The following GOLGA4 variants were observed in gnomAD, a reference collection of about 807,000 sequenced individuals.
The protein encoded by GOLGA4 is golgin subfamily A member 4.
GOLGA4 carries 169 observed loss-of-function variants against 265.9 expected under a neutral mutation model. The observed-to-expected ratio is 0.64, with a 90% CI of 0.56 to 0.72. The LOEUF (loss-of-function observed/expected upper bound fraction) is 0.72. GOLGA4 is among the 30% of genes least tolerant of loss of function. The probability of loss-of-function intolerance (pLI) is 0.00; values close to 1 mark genes in which losing one functional copy is unlikely to be tolerated. For missense variants in GOLGA4, 2,482 were observed against 2,483.4 expected, an observed-to-expected ratio of 1.00 and a Z score of 0.01; for synonymous variants, 923 against 855.8, an observed-to-expected ratio of 1.08 and a Z score of -1.37.
At chr3:37,253,197 C>G (rs1397739216) in intron 2 of GOLGA4, among the ~76,000 whole-genome samples, 1 of 150,966 alleles carries the variant, frequency 6.6e-6, no homozygotes, top group East Asian at 1.9e-4. Flanking sequence ...GTCGAAGCTG[C>G]AGTGAACCAT....
chr3:37,312,977 G>A (rs981658705), intron 10 of GOLGA4, among the ~76,000 whole-genome samples: 4 of 152,094 alleles, frequency 2.6e-5, no homozygotes, highest in Admixed American at 2.0e-4. Context: ...AGGCCAGCGC[G>A]ACGGATCACG....
intron 22 of GOLGA4, among the ~76,000 whole-genome samples, chr3:37,356,807 T>C (rs1018095941): frequency 2.0e-5 from 3 of 152,176 alleles, no homozygotes; most frequent in African/African-American, 7.2e-5. Flanking sequence ...TATTTAGTTA[T>C]CTTTATTCAT....
intron 16 of GOLGA4, 35 bp downstream of exon 16, chr3:37,329,128 A>G: frequency 6.5e-7 from 1 of 1,538,102 alleles, no homozygotes; most frequent in Admixed American, 2.0e-5. Flanking sequence ...CACTTTTGAA[A>G]TTTAGCTGTA....
intron 7 of GOLGA4, among the ~76,000 whole-genome samples, chr3:37,297,395 G>T (rs1367025393): frequency 6.6e-6 from 1 of 151,588 alleles, no homozygotes; most frequent in Non-Finnish European, 1.5e-5. Context: ...GGAGAAAGTT[G>T]CACTTACCAG....
At chr3:37,288,528 G>A (rs1050382376) in intron 4 of GOLGA4, among the ~76,000 whole-genome samples, 2 of 145,630 alleles carry the variant, frequency 1.4e-5, no homozygotes, top group African/African-American at 5.1e-5. Context: ...CCAGGCTGGA[G>A]TGCAGTGGTG....
At position 37,364,471 on chromosome 3, in the gene GOLGA4, A is replaced by G. The variant is rs186882676; in HGVS notation, c.*34-1609A>G. 9.2e-3 allele frequency among the ~76,000 whole-genome samples: 1,384 copies of G among 151,158 alleles called. 29 individuals carry two copies. Among genetic ancestry groups the G allele is most frequent in the African/African-American group, 0.032 (1,319 of 41,136 alleles). ...TGGCCAGGCTGGTCTCGAACTCCTG[A>G]CCTCAGGTGATCCACCTGCCTTGGC... On this transcript the variant is annotated intron_variant, in intron 23 of 23. Coordinates refer to ENST00000361924, the MANE Select transcript of GOLGA4 (RefSeq NM_002078.5).
At chr3:37,274,116 AG>A (rs1383212938) in intron 2 of GOLGA4, among the ~76,000 whole-genome samples, 7 of 151,072 alleles carry the variant, frequency 4.6e-5, no homozygotes, top group Non-Finnish European at 1.0e-4. Flanking sequence ...AAAAAAAAAA[AG>A]ATAATAATAA....
At chr3:37,301,998 A>G (rs978063259) in intron 9 of GOLGA4, among the ~76,000 whole-genome samples, 187 bp from the exon 10 acceptor site, 1 of 152,202 alleles carries the variant, frequency 6.6e-6, no homozygotes, top group South Asian at 2.1e-4. Flanking sequence ...CATGTTGGCC[A>G]GGCTGGTCTC....
Position 37,243,453 on chromosome 3 carries a change from C to G in GOLGA4, c.-98C>G. On this transcript the variant is annotated 5_prime_UTR_variant, in exon 1 of 24. Coordinates refer to ENST00000361924, the MANE Select transcript of GOLGA4 (RefSeq NM_002078.5). ...CGGCGAGGCCCGGCCCCCGCTGTCC[C>G]TGGTGTAAAGAAGTCGCCGTAGCCG... 4.0e-6 allele frequency: 4 copies of G among 1,010,972 alleles called. No homozygotes were observed. The highest frequency in any genetic ancestry group is 3.5e-5 in the Admixed American group (2 of 56,430). The allele number at this position is 1,010,972 out of a possible 1,614,324, so 62.6% of individuals were successfully genotyped here.
intron 14 of GOLGA4, 46 bp downstream of exon 14, chr3:37,327,871 A>G (rs755137491): frequency 6.9e-7 from 1 of 1,451,310 alleles, no homozygotes; most frequent in Non-Finnish European, 9.4e-7. Flanking sequence ...GTCCTTCTTA[A>G]TTAAGTCTCC....
intron 2 of GOLGA4, among the ~76,000 whole-genome samples, chr3:37,266,327 G>C (rs2096783600): frequency 6.6e-6 from 1 of 152,066 alleles, no homozygotes; most frequent in African/African-American, 2.4e-5. Flanking sequence ...AGCCTCCTGA[G>C]TGGCTGGGAC....
Position 37,324,636 on chromosome 3 carries a change from GAGA to G in GOLGA4, c.2753_2755del (p.Glu918del). ...AAGGAAAATATGATTTTACAAATGA[GAGA>G]AGGACAGAAGAAAGAAATTGAGATA... On this transcript the variant is annotated inframe_deletion, in exon 14 of 24. Coordinates refer to ENST00000361924, the MANE Select transcript of GOLGA4 (RefSeq NM_002078.5). 1.9e-6 allele frequency: 3 copies of G among 1,612,700 alleles called. No individual in the cohort carries two copies. Among genetic ancestry groups the G allele is most frequent in the Non-Finnish European group, 2.5e-6 (3 of 1,179,264 alleles).
chr3:37,267,866 A>G (rs2096787775), intron 2 of GOLGA4, among the ~76,000 whole-genome samples: 2 of 152,326 alleles, frequency 1.3e-5, no homozygotes, highest in Admixed American at 6.5e-5. Context: ...TGGTATGCAT[A>G]TGGCCAGTAG....
chr3:37,319,361 G>T, intron 12 of GOLGA4, 167 bp downstream of exon 12: 1 of 456,250 alleles, frequency 2.2e-6, no homozygotes, highest in East Asian at 3.6e-5. Flanking sequence ...TTATTAGCTT[G>T]GTATTGTGTG....
rs2096971123 is a variant in GOLGA4, at chr3:37,326,471, G to C, written c.4585G>C (p.Glu1529Gln). Reference protein sequence around the residue: ...ELKSQTARIMELEDHITQKTI... With the variant: ...ELKSQTARIMQLEDHITQKTI... ...AAAGTCTCAAACAGCAAGAATTATG[G>C]AATTAGAGGACCATATTACCCAGAA... Residue 1529 changes from glutamate to glutamine, a missense_variant, in exon 14 of 24, where the codon GAA (glutamate) becomes CAA (glutamine). Around this residue, in one of 3 missense-constraint regions of GOLGA4, gnomAD observed 942 missense variants for 983.1 expected, o/e 0.96. Transcript: ENST00000361924. 6.2e-7 allele frequency: 1 copy of C among 1,609,502 alleles called. No individual in the cohort carries two copies. Among genetic ancestry groups the C allele is most frequent in the East Asian group, 2.2e-5 (1 of 44,810 alleles).
chr3:37,254,484 G>T (rs1413393263), intron 2 of GOLGA4, among the ~76,000 whole-genome samples: 1 of 151,786 alleles, frequency 6.6e-6, no homozygotes, highest in Non-Finnish European at 1.5e-5. Flanking sequence ...TTGTTTTAAA[G>T]ATTGTTTTAA....
chr3:37,249,917 A>T (rs941262542), intron 1 of GOLGA4: 3 of 152,194 alleles, frequency 2.0e-5, no homozygotes, highest in Non-Finnish European at 4.4e-5. Context: ...ATTTGTGTGG[A>T]TGCATGAAGT....
rs756561057 is a variant in GOLGA4 at position 37,243,508 on chromosome 3, C to G, written c.-43C>G. 3.8e-6 allele frequency: 6 copies of G among 1,583,996 alleles called. No homozygotes were observed. Among genetic ancestry groups the G allele is most frequent in the Non-Finnish European group, 5.2e-6 (6 of 1,152,674 alleles). ...GGCCGGGACTCCCCGGGCTCTCGCC[C>G]TTCAGGTTTCGTTGACACTCAGGAC... On this transcript the variant is annotated 5_prime_UTR_variant, in exon 1 of 24. Transcript: ENST00000361924.
chr3:37,266,473 C>T (rs1485708817), intron 2 of GOLGA4, among the ~76,000 whole-genome samples: 2 of 152,172 alleles, frequency 1.3e-5, no homozygotes, highest in Non-Finnish European at 2.9e-5. Context: ...GCTGGGATTA[C>T]AGGCCTGAGC....
Sources: gnomAD v4.1 joint callset for allele counts (sites outside exome capture counted in the v4.1 genomes callset) on GRCh38, gnomAD v4.1.1 for gene constraint, gnomAD v4.1.1 regional missense constraint, MANE v1.5 for transcripts, NCBI Gene and HGNC (gene_info 2026-07-23, HGNC 2026-07-21) for gene names.